SPATS2: variants seen among roughly 807,000 people sequenced by gnomAD.
SPATS2 encodes spermatogenesis associated serine rich 2.
Under a neutral mutation model 63.7 loss-of-function variants are expected in SPATS2, and 38 were observed. The observed-to-expected ratio is 0.60, with a 90% CI of 0.46 to 0.78. The LOEUF is 0.78. Among genes scored for constraint, SPATS2 ranks in the 30% least tolerant of loss-of-function variants. The pLI is 0.00. For synonymous variants in SPATS2, 207 were observed against 232.9 expected (o/e 0.89, Z 1.01); for missense variants, 588 against 666.2 (o/e 0.88, Z 1.29).
chr12:49,508,451 G>A (rs1055958307), intron 9 of SPATS2, among the ~76,000 whole-genome samples: 2 of 152,082 alleles, frequency 1.3e-5, no homozygotes, highest in South Asian at 4.1e-4. Context: ...CAGGTGATCC[G>A]CCTGATCCGC....
intron 4 of SPATS2, among the ~76,000 whole-genome samples, chr12:49,485,519 G>A (rs1227084631): frequency 6.6e-6 from 1 of 151,494 alleles, no homozygotes; most frequent in Admixed American, 6.6e-5. Flanking sequence ...GCATCATCAC[G>A]CCCAGCTAAT....
intron 12 of SPATS2, 31 bp downstream of exon 12, chr12:49,522,884 G>C (rs767704857): frequency 1.3e-6 from 2 of 1,575,324 alleles, no homozygotes; most frequent in Admixed American, 3.4e-5. Context: ...GGGCACTACA[G>C]GTGGTGATTA....
intron 3 of SPATS2, among the ~76,000 whole-genome samples, chr12:49,476,982 A>G (rs1015485344): frequency 2.0e-5 from 3 of 152,020 alleles, no homozygotes. Context: ...GCACATGCCT[A>G]TAATCCCAGC....
chr12:49,495,113 GC>G, intron 7 of SPATS2, 111 bp downstream of exon 7: 2 of 1,147,546 alleles, frequency 1.7e-6, no homozygotes, highest in Non-Finnish European at 1.2e-6. Context: ...TCCAGTGCTT[GC>G]TGATTAGTCT....
chr12:49,454,166 A>G (rs1945677245), intron 2 of SPATS2: 1 of 152,144 alleles, frequency 6.6e-6, no homozygotes, highest in South Asian at 2.1e-4. Flanking sequence ...CCTGGCCGCG[A>G]ATAGCATTTT....
Position 49,408,595 on chromosome 12 carries a change from G to A in SPATS2, c.-244+37305G>A, listed in dbSNP as rs376199353. Among the ~76,000 whole-genome samples, 218 of 101,682 alleles carry A rather than the reference G, an allele frequency of 2.1e-3. 2 individuals are homozygous for A. The highest frequency in any genetic ancestry group is 8.5e-3 in the African/African-American group (208 of 24,374). 66.7% of individuals were successfully genotyped at this position (101,682 alleles called of 152,430 possible). A position where few individuals can be genotyped will look rare whatever the true frequency, so the allele number is the denominator to read the frequency against. ...TTTTGAGACAGAGTCTTGCTCTGCC[G>A]CCCAGGCTGGAGTGCAGTGGTGCAA... is the stretch of plus-strand genomic sequence containing the variant. On this transcript the variant is annotated intron_variant, in intron 2 of 13. Coordinates refer to ENST00000552918, the MANE Select transcript of SPATS2 (RefSeq NM_023071.4).
intron 2 of SPATS2, among the ~76,000 whole-genome samples, chr12:49,434,954 G>T (rs1031715739): frequency 6.7e-6 from 1 of 150,144 alleles, no homozygotes; most frequent in African/African-American, 2.5e-5. Flanking sequence ...ATACAATATG[G>T]TATTTAATTA....
At chr12:49,395,426 AT>A (rs111978343) in intron 2 of SPATS2, among the ~76,000 whole-genome samples, 26,493 of 140,532 alleles carry the variant, frequency 0.19, 2,946 homozygotes, top group African/African-American at 0.36. Context: ...TGTTTTTCAG[AT>A]TTTTTTTTTT....
intron 2 of SPATS2, among the ~76,000 whole-genome samples, chr12:49,420,332 G>A (rs755664606): frequency 3.3e-5 from 5 of 152,144 alleles, no homozygotes; most frequent in Admixed American, 6.5e-5. Context: ...AGTGGCTCAC[G>A]CCTGTAATCC....
chr12:49,468,384 T>C (rs1945968287), intron 3 of SPATS2, among the ~76,000 whole-genome samples: 1 of 152,180 alleles, frequency 6.6e-6, no homozygotes, highest in Non-Finnish European at 1.5e-5. Context: ...GGTCTCAAAC[T>C]CCTGACCTCA....
At chr12:49,510,277 A>G (rs1477244141) in intron 9 of SPATS2, among the ~76,000 whole-genome samples, 2 of 150,720 alleles carry the variant, frequency 1.3e-5, no homozygotes, top group Non-Finnish European at 3.0e-5. Context: ...AAAAAAAAAA[A>G]TCGTCCAGGT....
intron 9 of SPATS2, among the ~76,000 whole-genome samples, chr12:49,505,968 A>C (rs1946648094): frequency 6.6e-6 from 1 of 152,186 alleles, no homozygotes; most frequent in African/African-American, 2.4e-5. Context: ...ATGGTATGAA[A>C]GTGATACACA....
intron 2 of SPATS2, among the ~76,000 whole-genome samples, chr12:49,372,272 TG>T (rs1223144685): frequency 6.6e-6 from 1 of 152,186 alleles, no homozygotes; most frequent in African/African-American, 2.4e-5. Flanking sequence ...CTCAAACTCC[TG>T]GCCTCAAGTG....
intron 2 of SPATS2, chr12:49,454,084 T>G (rs375729998): frequency 6.6e-6 from 1 of 152,052 alleles, no homozygotes; most frequent in East Asian, 1.9e-4. Context: ...AGGATGGCCT[T>G]GATCTCATGA....
chr12:49,449,634 C>G (rs926439951), intron 2 of SPATS2, among the ~76,000 whole-genome samples: 2 of 152,130 alleles, frequency 1.3e-5, no homozygotes, highest in African/African-American at 4.8e-5. Context: ...GCTGGGGAGG[C>G]CTCACAATCA....
At chr12:49,438,081 C>T (rs1474925261) in intron 2 of SPATS2, among the ~76,000 whole-genome samples, 2 of 151,922 alleles carry the variant, frequency 1.3e-5, no homozygotes, top group Non-Finnish European at 2.9e-5. Flanking sequence ...GAACATTTCC[C>T]CACCAAGACA....
intron 2 of SPATS2, among the ~76,000 whole-genome samples, chr12:49,385,843 G>T (rs78859771): frequency 2.5e-4 from 33 of 132,616 alleles, no homozygotes; most frequent in East Asian, 6.3e-4. Flanking sequence ...TTTGTTTTTT[G>T]TTTGTTTGTT....
At chr12:49,449,760 C>T (rs1945584908) in intron 2 of SPATS2, among the ~76,000 whole-genome samples, 1 of 152,164 alleles carries the variant, frequency 6.6e-6, no homozygotes, top group African/African-American at 2.4e-5. Context: ...TATTCACTAC[C>T]GTGAGAACAG....
Position 49,369,975 on chromosome 12 carries a change from A to G in SPATS2, c.-306-1253A>G, listed in dbSNP as rs1341029674. ...TCCTTTTAGAAACCAGGAGTGAAAC[A>G]ACTAGAACTGAGGGAAACAGCTGGG... On this transcript the variant is annotated intron_variant, in intron 1 of 13. Transcript: ENST00000552918. 2.6e-5 allele frequency among the ~76,000 whole-genome samples: 4 copies of G among 152,180 alleles called. No individual in the cohort carries two copies. The East Asian group carries it at 7.7e-4, about 29-fold the overall frequency.
Sources: allele counts gnomAD v4.1 joint callset (sites outside exome capture counted in the v4.1 genomes callset), GRCh38; gene constraint gnomAD v4.1.1; transcripts MANE v1.5; gene names NCBI Gene and HGNC (gene_info 2026-07-23, HGNC 2026-07-21).